The following RIN3 variants were observed in gnomAD, a reference collection of about 807,000 sequenced individuals.
RIN3 encodes RAB5 interacting protein 3.
RIN3 carries 54 observed loss-of-function variants against 76.3 expected under a neutral mutation model. The observed-to-expected ratio is 0.71, with a 90% confidence interval of 0.57 to 0.89. RIN3 has a LOEUF of 0.89. Ranked by LOEUF, RIN3 falls within the 40% of genes least tolerant of loss-of-function variation. RIN3 has a pLI of 0.00. For synonymous variants in RIN3, 576 were observed against 564.0 expected (o/e 1.02, Z -0.30); for missense variants, 1,256 against 1,322.1 (o/e 0.95, Z 0.78).
At chr14:92,536,481 C>T (rs1470970130) in intron 1 of RIN3, among the ~76,000 whole-genome samples, 1 of 152,172 alleles carries the variant, frequency 6.6e-6, no homozygotes, top group African/African-American at 2.4e-5. Context: ...CAGTGACTCA[C>T]ATCTGTAATC....
At position 92,685,051 on chromosome 14, in the gene RIN3, G is replaced by A. The variant is rs528288016; in HGVS notation, c.2532G>A (p.Thr844=). 34 of 1,614,058 alleles carry A rather than the reference G, an allele frequency of 2.1e-5. 2 individuals carry two copies. In the South Asian group the frequency reaches 3.0e-4, roughly 14 times the overall value. Residue 844 remains threonine, a synonymous_variant, in exon 9 of 10, where the codon ACG becomes ACA. Coordinates refer to ENST00000216487, the MANE Select transcript of RIN3 (RefSeq NM_024832.5). The surrounding 1 kb of genome is among the most constrained non-coding windows in gnomAD (Gnocchi z 4.7). ...ACATCAAGAGCTACGACAAGATCACGGTGACCCGGCAGCTGAGTGTGGAGG... is the reference window on the plus strand; with the variant it reads ...ACATCAAGAGCTACGACAAGATCACAGTGACCCGGCAGCTGAGTGTGGAGG... ...LEHIKSYDKI[T]VTRQLSVEVQ...
intron 2 of RIN3, among the ~76,000 whole-genome samples, chr14:92,558,567 CA>C (rs1193402310): frequency 1.3e-5 from 2 of 152,118 alleles, no homozygotes. Flanking sequence ...GACCCTGAGA[CA>C]AGGATTTGAG....
At position 92,650,514 on chromosome 14, in the gene RIN3, G is replaced by A. The variant is rs115922351; in HGVS notation, c.533-1068G>A. ...TTAAGGGTGAATTCCTCCCAGGAGT[G>A]AAGAGCCCTGGGTGAAAGGCTGGCT... On this transcript the variant is annotated intron_variant, in intron 5 of 9. Coordinates refer to ENST00000216487, the MANE Select transcript of RIN3 (RefSeq NM_024832.5). 7.4e-3 allele frequency among the ~76,000 whole-genome samples: 1,122 copies of A among 152,326 alleles called. 10 individuals are homozygous for A. Among genetic ancestry groups the A allele is most frequent in the African/African-American group, 0.026 (1,072 of 41,564 alleles).
At chr14:92,646,971 A>G (rs1193787153) in intron 5 of RIN3, among the ~76,000 whole-genome samples, 1 of 152,236 alleles carries the variant, frequency 6.6e-6, no homozygotes, top group African/African-American at 2.4e-5. Context: ...TGTCTAGTTA[A>G]GGCTAAAGAT....
Position 92,653,138 on chromosome 14 carries a change from C to T in RIN3, c.2026+63C>T, listed in dbSNP as rs2140144075. The T allele has an allele frequency of 6.7e-6, 10 of 1,500,390 alleles. No individual in the cohort carries two copies. In the East Asian group the frequency reaches 1.2e-4, roughly 18 times the overall value. The allele number at this position is 1,500,390 out of a possible 1,614,324, so 92.9% of individuals were successfully genotyped here. On this transcript the variant is annotated intron_variant, in intron 6 of 9. Coordinates refer to ENST00000216487, the MANE Select transcript of RIN3 (RefSeq NM_024832.5). ...CGGTGGGGCTCACAGACTCAGGAAC[C>T]CCTTAGGACAAAAGAGGCCTATGCA...
At chr14:92,524,788 C>T (rs950734213) in intron 1 of RIN3, among the ~76,000 whole-genome samples, 5 of 152,190 alleles carry the variant, frequency 3.3e-5, no homozygotes, top group African/African-American at 7.2e-5. Flanking sequence ...CCAGGGTCTC[C>T]GGACCTGTGG....
chr14:92,601,729 C>T (rs948794954), intron 3 of RIN3, among the ~76,000 whole-genome samples: 6 of 152,180 alleles, frequency 3.9e-5, no homozygotes, highest in Non-Finnish European at 7.3e-5. Context: ...CAGGGTGGCA[C>T]CTTTACCCAG....
intron 3 of RIN3, among the ~76,000 whole-genome samples, chr14:92,601,174 A>G (rs573343846): frequency 3.9e-5 from 6 of 152,338 alleles, no homozygotes; most frequent in Admixed American, 3.9e-4. Flanking sequence ...ATTGGGTTAA[A>G]TAAAATACAG....
chr14:92,601,625 T>G (rs1595446988), intron 3 of RIN3, among the ~76,000 whole-genome samples: 2 of 152,262 alleles, frequency 1.3e-5, no homozygotes, highest in East Asian at 3.9e-4. Flanking sequence ...AACAAAGTGT[T>G]TTTTCTCAAT....
At position 92,600,128 on chromosome 14, in the gene RIN3, A is replaced by G. The variant is rs994537622; in HGVS notation, c.368-15279A>G. Among the ~76,000 whole-genome samples, 3 of 152,366 alleles carry G rather than the reference A, an allele frequency of 2.0e-5. No individual in the cohort carries two copies. The South Asian group carries it at 6.2e-4, about 32-fold the overall frequency. On this transcript the variant is annotated intron_variant, in intron 3 of 9. Coordinates refer to ENST00000216487, the MANE Select transcript of RIN3 (RefSeq NM_024832.5). ...TGCTTCACCACCTGCGCTCAGAACC[A>G]GTGAGGAAATAGACAAAGATGAGGA...
At chr14:92,609,044 G>A (rs1324519393) in intron 3 of RIN3, among the ~76,000 whole-genome samples, 1 of 151,996 alleles carries the variant, frequency 6.6e-6, no homozygotes, top group East Asian at 1.9e-4. Context: ...CCCACATGCA[G>A]CTTTCCCACC....
chr14:92,676,383 A>T, intron 7 of RIN3, 92 bp from the exon 8 acceptor site: 7 of 1,452,472 alleles, frequency 4.8e-6, no homozygotes, highest in Non-Finnish European at 6.7e-6. Context: ...CGCCATCCAC[A>T]CTCAGCAAAC....
chr14:92,570,002 A>G (rs570194626), intron 2 of RIN3, among the ~76,000 whole-genome samples: 7 of 152,300 alleles, frequency 4.6e-5, no homozygotes, highest in Middle Eastern at 3.4e-3. Context: ...GCAGTCTGAA[A>G]AACACTGCCC....
In RIN3 at chr14:92,568,439, A is replaced by T. The variant is rs1376554944; in HGVS notation, c.250-8921A>T. On this transcript the variant is annotated intron_variant, in intron 2 of 9. Coordinates refer to ENST00000216487, the MANE Select transcript of RIN3 (RefSeq NM_024832.5). This position sits in a 1 kb window ranked among gnomAD's most constrained non-coding sequence, Gnocchi z 4.2. ...CCATAATCTAAAATGTTCTTCAGGC[A>T]TCACTGCGGCACAGTGATGCTGTTT... Among the ~76,000 whole-genome samples the T allele has an allele frequency of 6.6e-6, 1 of 152,240 alleles. No homozygotes were observed. Among genetic ancestry groups the T allele is most frequent in the Admixed American group, 6.5e-5 (1 of 15,290 alleles).
chr14:92,610,349 A>G (rs1885687352), intron 3 of RIN3, among the ~76,000 whole-genome samples: 1 of 152,036 alleles, frequency 6.6e-6, no homozygotes. Context: ...CCCCAGCCCT[A>G]AGCAACCGCT....
intron 7 of RIN3, among the ~76,000 whole-genome samples, chr14:92,664,708 T>C (rs1888022292): frequency 6.6e-6 from 1 of 152,114 alleles, no homozygotes; most frequent in Admixed American, 6.6e-5. Context: ...ACATAATGTT[T>C]TGTCTGAATA....
At chr14:92,660,488 G>A (rs570218843) in intron 7 of RIN3, among the ~76,000 whole-genome samples, 5 of 152,264 alleles carry the variant, frequency 3.3e-5, no homozygotes, top group South Asian at 4.1e-4. Flanking sequence ...TTGATGAGCC[G>A]TTGGCTGGTC....
intron 7 of RIN3, among the ~76,000 whole-genome samples, chr14:92,663,962 C>T (rs1031814633): frequency 5.3e-5 from 8 of 152,168 alleles, no homozygotes; most frequent in Non-Finnish European, 1.0e-4. Flanking sequence ...GGGCTAGGAA[C>T]GCCTCTCTCT....
intron 1 of RIN3, among the ~76,000 whole-genome samples, chr14:92,550,354 C>G (rs1425359151): frequency 6.6e-6 from 1 of 152,098 alleles, no homozygotes; most frequent in Non-Finnish European, 1.5e-5. Flanking sequence ...TCCCAGTAAC[C>G]CTCTTAAATA....
Sources: allele counts gnomAD v4.1 joint callset (sites outside exome capture counted in the v4.1 genomes callset), GRCh38; gene constraint gnomAD v4.1.1; non-coding constraint Gnocchi (gnomAD v3.1); transcripts MANE v1.5; gene names NCBI Gene and HGNC (gene_info 2026-07-23, HGNC 2026-07-21).